The following KSR2 variants were observed in gnomAD, a reference collection of about 807,000 sequenced individuals.
The protein encoded by KSR2 is kinase suppressor of ras 2.
Under a neutral mutation model 107.8 loss-of-function variants are expected in KSR2, and 25 were observed. The ratio of observed to expected loss-of-function variants is 0.23; its 90% CI spans 0.17 to 0.32. KSR2 has a LOEUF of 0.32. Among genes scored for constraint, KSR2 ranks in the 10% least tolerant of loss-of-function variants. The pLI is 1.00. For synonymous variants in KSR2, 480 were observed against 507.0 expected (o/e 0.95, Z 0.71); for missense variants, 887 against 1,268.9 (o/e 0.70, Z 4.57).
intron 5 of KSR2, among the ~76,000 whole-genome samples, chr12:117,632,683 T>C (rs1882866537): frequency 6.6e-6 from 1 of 152,156 alleles, no homozygotes; most frequent in Non-Finnish European, 1.5e-5. Context: ...ATCCTCTCCC[T>C]CCTCCCACCC....
At chr12:117,472,368 G>A (rs1871514544) in intron 17 of KSR2, among the ~76,000 whole-genome samples, 1 of 152,236 alleles carries the variant, frequency 6.6e-6, no homozygotes, top group African/African-American at 2.4e-5. Flanking sequence ...ATGCTGTGAA[G>A]TGTGAATAGC....
chr12:117,636,472 C>CA, intron 5 of KSR2, among the ~76,000 whole-genome samples: 1 of 151,306 alleles, frequency 6.6e-6, no homozygotes, highest in East Asian at 1.9e-4. Flanking sequence ...AAACCAGTCA[C>CA]ACCCAAGAGA....
Position 117,463,677 on chromosome 12 carries a change from C to T in KSR2, c.*3522G>A, listed in dbSNP as rs1351176673. The T allele has an allele frequency of 2.6e-5, 4 of 152,194 alleles. No individual in the cohort carries two copies. The highest frequency in any genetic ancestry group is 5.9e-5 in the Non-Finnish European group (4 of 68,040). The allele number at this position is 152,194 out of a possible 1,614,324, so 9.4% of individuals were successfully genotyped here. On this transcript the variant is annotated 3_prime_UTR_variant, in exon 20 of 20. Coordinates refer to ENST00000339824, the MANE Select transcript of KSR2 (RefSeq NM_173598.6). ...GCTGGGTATGGCCTATGGGGCATAGCCTGACAGCCCTGGGTTTAGATTTCT... is the reference window on the plus strand; with the variant it reads ...GCTGGGTATGGCCTATGGGGCATAGTCTGACAGCCCTGGGTTTAGATTTCT...
chr12:117,763,290 T>C (rs1031345245), intron 3 of KSR2, among the ~76,000 whole-genome samples: 1 of 151,348 alleles, frequency 6.6e-6, no homozygotes, highest in Non-Finnish European at 1.5e-5. Context: ...CAGTCTATCA[T>C]TGTTGGACAT....
At chr12:117,933,740 G>A (rs1488811617) in intron 1 of KSR2, among the ~76,000 whole-genome samples, 1 of 152,084 alleles carries the variant, frequency 6.6e-6, no homozygotes, top group African/African-American at 2.4e-5. Flanking sequence ...TAAATTGCGG[G>A]GCCACAGTTT....
At chr12:117,558,672 T>C in intron 7 of KSR2, 99 bp from the exon 8 acceptor site, 1 of 826,956 alleles carries the variant, frequency 1.2e-6, no homozygotes, top group Non-Finnish European at 2.1e-6. Context: ...GATGGGTGGA[T>C]GAATGGATGG....
chr12:117,948,186 T>G (rs1185175147), intron 1 of KSR2, among the ~76,000 whole-genome samples: 1 of 152,188 alleles, frequency 6.6e-6, no homozygotes, highest in African/African-American at 2.4e-5. Flanking sequence ...CAGTGGCTTA[T>G]GCCTGTAATC....
chr12:117,788,280 G>T (rs1226910801), intron 3 of KSR2, among the ~76,000 whole-genome samples: 1 of 152,182 alleles, frequency 6.6e-6, no homozygotes, highest in Non-Finnish European at 1.5e-5. Context: ...TTGGAGGAAA[G>T]GCTGAATAAC....
chr12:117,804,562 T>C (rs1203609746), intron 3 of KSR2, among the ~76,000 whole-genome samples: 1 of 152,238 alleles, frequency 6.6e-6, no homozygotes. Flanking sequence ...TTACTACTGT[T>C]GCTGGTTGTT....
At chr12:117,504,193 G>A (rs1394207796) in intron 14 of KSR2, among the ~76,000 whole-genome samples, 2 of 152,104 alleles carry the variant, frequency 1.3e-5, no homozygotes, top group African/African-American at 4.8e-5. Flanking sequence ...TAAAAACATG[G>A]GTTCTGTGCC....
At chr12:117,691,586 G>C (rs1253775303) in intron 4 of KSR2, among the ~76,000 whole-genome samples, 1 of 152,236 alleles carries the variant, frequency 6.6e-6, no homozygotes, top group Non-Finnish European at 1.5e-5. Flanking sequence ...GTGCAGGCCA[G>C]AGCCATCACA....
At chr12:117,801,645 C>T (rs1234935740) in intron 3 of KSR2, among the ~76,000 whole-genome samples, 1 of 152,036 alleles carries the variant, frequency 6.6e-6, no homozygotes, top group Non-Finnish European at 1.5e-5. Context: ...AACCAGATCT[C>T]AAGAGAACTC....
chr12:117,792,182 A>AT (rs35680833), intron 3 of KSR2, among the ~76,000 whole-genome samples: 84,666 of 151,616 alleles, frequency 0.56, 24,782 homozygotes, highest in East Asian at 0.77. Flanking sequence ...TACAAAAAAA[A>AT]AAATAAATAA....
intron 1 of KSR2, among the ~76,000 whole-genome samples, chr12:117,928,939 T>C (rs1566086300): frequency 6.6e-6 from 1 of 152,190 alleles, no homozygotes; most frequent in Non-Finnish European, 1.5e-5. Context: ...AATGCCAACC[T>C]TTCCCACAAG....
chr12:117,516,287 C>G (rs1371387224), intron 14 of KSR2, among the ~76,000 whole-genome samples: 3 of 152,130 alleles, frequency 2.0e-5, no homozygotes, highest in Non-Finnish European at 4.4e-5. Context: ...ATCTAGCTCC[C>G]TACTCGAGAT....
At chr12:117,872,381 T>A (rs369175286) in intron 1 of KSR2, among the ~76,000 whole-genome samples, 1 of 152,034 alleles carries the variant, frequency 6.6e-6, no homozygotes, top group Admixed American at 6.6e-5. Flanking sequence ...CTGGGCAACA[T>A]AGCAAGACCC....
chr12:117,513,319 A>G (rs975545652), intron 14 of KSR2, among the ~76,000 whole-genome samples: 1 of 152,202 alleles, frequency 6.6e-6, no homozygotes, highest in South Asian at 2.1e-4. Flanking sequence ...TCTATTTATT[A>G]TTTGATTTAT....
At chr12:117,528,651 G>A (rs971580712) in intron 12 of KSR2, among the ~76,000 whole-genome samples, 1 of 152,212 alleles carries the variant, frequency 6.6e-6, no homozygotes, top group African/African-American at 2.4e-5. Flanking sequence ...GCACAGCCTG[G>A]GAAAGTGGAA....
At chr12:117,787,365 G>A (rs1890113400) in intron 3 of KSR2, among the ~76,000 whole-genome samples, 1 of 152,278 alleles carries the variant, frequency 6.6e-6, no homozygotes, top group African/African-American at 2.4e-5. Flanking sequence ...AGGAGCAGTG[G>A]CCCACATCTG....
Sources: gnomAD v4.1 joint callset for allele counts (sites outside exome capture counted in the v4.1 genomes callset) on GRCh38, gnomAD v4.1.1 for gene constraint, MANE v1.5 for transcripts, NCBI Gene and HGNC (gene_info 2026-07-23, HGNC 2026-07-21) for gene names.